MYPN: variants seen among roughly 807,000 people sequenced by gnomAD.
MYPN encodes the protein sarcomeric protein myopalladin, 145 kDa (MYOP).
In MYPN, 63 loss-of-function variants were observed where a neutral mutation model predicts 129.4. The observed-to-expected ratio is 0.49, with a 90% CI of 0.40 to 0.60. The LOEUF is 0.60. Ranked by LOEUF, MYPN falls within the 20% of genes least tolerant of loss-of-function variation. The probability of loss-of-function intolerance (pLI) is 0.00; values close to 1 mark genes in which losing one functional copy is unlikely to be tolerated. For synonymous variants in MYPN, 629 were observed against 600.9 expected, an observed-to-expected ratio of 1.05 and a Z score of -0.68; for missense variants, 1,596 against 1,635.4, an observed-to-expected ratio of 0.98 and a Z score of 0.42.
chr10:68,115,643 G>A (rs1179490860), intron 1 of MYPN, among the ~76,000 whole-genome samples: 2 of 152,160 alleles, frequency 1.3e-5, no homozygotes, highest in African/African-American at 2.4e-5. Context: ...TTGCATAGCA[G>A]CCATGATGGA....
At chr10:68,144,417 A>G (rs181126301) in intron 3 of MYPN, among the ~76,000 whole-genome samples, 1 of 152,320 alleles carries the variant, frequency 6.6e-6, no homozygotes, top group East Asian at 1.9e-4. Flanking sequence ...TACTTGTACT[A>G]GGTACTTACA....
chr10:68,135,614 A>G (rs533962547), intron 2 of MYPN: 65 of 422,414 alleles, frequency 1.5e-4, no homozygotes, highest in African/African-American at 1.3e-3. Flanking sequence ...AGACAATTAA[A>G]GGAAAGTCCT....
intron 12 of MYPN, among the ~76,000 whole-genome samples, chr10:68,186,245 C>T (rs74769472): frequency 2.6e-5 from 4 of 151,872 alleles, no homozygotes; most frequent in Admixed American, 2.6e-4. Flanking sequence ...CAGTTTGAGA[C>T]GAGGCAGAGA....
intron 13 of MYPN, among the ~76,000 whole-genome samples, chr10:68,192,809 G>T (rs984780639): frequency 6.6e-6 from 1 of 152,070 alleles, no homozygotes; most frequent in Admixed American, 6.6e-5. Flanking sequence ...GCATATAGTT[G>T]TTCATAATAG....
At chr10:68,101,160 C>A (rs2041979985), upstream of MYPN, among the ~76,000 whole-genome samples, 1 of 151,978 alleles carries the variant, frequency 6.6e-6, no homozygotes, top group African/African-American at 2.4e-5. Context: ...AAAAGTTGAT[C>A]TAGTTGAGTA....
intron 4 of MYPN, 36 bp downstream of exon 4, chr10:68,145,562 C>T (rs765004403): frequency 2.6e-6 from 4 of 1,557,280 alleles, no homozygotes; most frequent in Admixed American, 3.3e-5. Flanking sequence ...CTTTAGCATC[C>T]TCAGATCAAT....
At chr10:68,163,008 A>G (rs533184651) in intron 8 of MYPN, among the ~76,000 whole-genome samples, 1 of 152,332 alleles carries the variant, frequency 6.6e-6, no homozygotes, top group African/African-American at 2.4e-5. Flanking sequence ...AGATCCTTAA[A>G]CAAAAGCCTT....
rs144764983 is a variant in MYPN, at chr10:68,145,500, C to T, written c.1104C>T (p.Gly368=). 3,505 of 1,613,020 alleles carry T rather than the reference C, an allele frequency of 2.2e-3. 8 individuals are homozygous for T. The highest frequency in any genetic ancestry group is 2.8e-3 in the Non-Finnish European group (3,246 of 1,179,340). ...GGGTTTCTTCTTCTGACTCAGAAGG[C>T]GACCCTAACAAGGAAGAGATGAATC... ...IEGVSSSDSE[G]DPNKEEMNRI... Residue 368 remains glycine, a synonymous_variant, in exon 4 of 20, where the codon GGC becomes GGT. Coordinates refer to ENST00000358913, the MANE Select transcript of MYPN (RefSeq NM_032578.4).
At chr10:68,144,836 C>G (rs1379422137) in intron 3 of MYPN, among the ~76,000 whole-genome samples, 1 of 152,140 alleles carries the variant, frequency 6.6e-6, no homozygotes, top group African/African-American at 2.4e-5. Context: ...AGAATGTCTG[C>G]AAATACTGCT....
rs1351563749 is a variant in MYPN at position 68,144,077 on chromosome 10, G to T, written c.1078+962G>T. 2.6e-5 allele frequency among the ~76,000 whole-genome samples: 4 copies of T among 152,132 alleles called. No individual in the cohort carries two copies. The East Asian group carries it at 7.7e-4, about 29-fold the overall frequency. On this transcript the variant is annotated intron_variant, in intron 3 of 19. Coordinates refer to ENST00000358913, the MANE Select transcript of MYPN (RefSeq NM_032578.4). ...GACGATCTGACTTAATAGTCACTAT[G>T]GCTGCTGTTTGAAAATATACTGCAG...
chr10:68,185,923 T>A (rs2043413714), intron 12 of MYPN, among the ~76,000 whole-genome samples: 1 of 152,200 alleles, frequency 6.6e-6, no homozygotes, highest in Non-Finnish European at 1.5e-5. Flanking sequence ...GAAAATGTAG[T>A]CATTGTGAAG....
chr10:68,106,303 G>GT, upstream of MYPN: 1 of 362,938 alleles, frequency 2.8e-6, no homozygotes, highest in Non-Finnish European at 5.3e-6. Context: ...TTTTTTTAAT[G>GT]TTTTTAGTTT....
chr10:68,175,208 TA>T, intron 11 of MYPN, 114 bp from the exon 12 acceptor site: 1 of 1,115,788 alleles, frequency 9.0e-7, no homozygotes. Flanking sequence ...CTTAATTCCC[TA>T]AGTGCCTAAT....
At chr10:68,106,487 TA>T (rs1434161966), upstream of MYPN, 7 of 542,036 alleles carry the variant, frequency 1.3e-5, no homozygotes, top group East Asian at 2.4e-4. Flanking sequence ...TTTTTCTCAT[TA>T]AAAATGGCTA....
At chr10:68,169,636 G>A (rs2043114675) in intron 10 of MYPN, among the ~76,000 whole-genome samples, 1 of 152,102 alleles carries the variant, frequency 6.6e-6, no homozygotes, top group African/African-American at 2.4e-5. Context: ...CCAAACACTG[G>A]CTTCTTCTCC....
intron 13 of MYPN, among the ~76,000 whole-genome samples, chr10:68,193,212 A>G (rs1012743188): frequency 4.6e-5 from 7 of 152,078 alleles, no homozygotes; most frequent in Non-Finnish European, 2.9e-5. Flanking sequence ...TGAAGTGTCT[A>G]CAGAGGGAAT....
chr10:68,131,061 C>T (rs1470592780), intron 2 of MYPN, among the ~76,000 whole-genome samples: 1 of 152,048 alleles, frequency 6.6e-6, no homozygotes, highest in Non-Finnish European at 1.5e-5. Context: ...CTCTTTTGCC[C>T]TTATAATATA....
At chr10:68,178,239 A>C (rs1373012206) in intron 12 of MYPN, among the ~76,000 whole-genome samples, 1 of 152,198 alleles carries the variant, frequency 6.6e-6, no homozygotes, top group African/African-American at 2.4e-5. Context: ...AGCTTTCTAA[A>C]CTTACAACAA....
intron 2 of MYPN, among the ~76,000 whole-genome samples, chr10:68,132,939 A>G (rs952859611): frequency 6.6e-6 from 1 of 152,098 alleles, no homozygotes; most frequent in South Asian, 2.1e-4. Flanking sequence ...AAAATGGTAG[A>G]CTGAGCACAT....
Sources: allele counts gnomAD v4.1 joint callset (sites outside exome capture counted in the v4.1 genomes callset), GRCh38; gene constraint gnomAD v4.1.1; transcripts MANE v1.5; gene names NCBI Gene and HGNC (gene_info 2026-07-23, HGNC 2026-07-21).